PER2: variants seen among roughly 807,000 people sequenced by gnomAD.
PER2 encodes period circadian protein homolog 2.
PER2 carries 66 observed loss-of-function variants against 121.0 expected under a neutral mutation model. The ratio of observed to expected loss-of-function variants is 0.55; its 90% CI spans 0.45 to 0.67. PER2 has a LOEUF of 0.67. Among genes scored for constraint, PER2 ranks in the 30% least tolerant of loss-of-function variants. PER2 has a pLI of 0.00. For missense variants in PER2, 1,521 were observed against 1,635.0 expected (o/e 0.93, Z 1.20); for synonymous variants, 684 against 659.9 (o/e 1.04, Z -0.56).
At chr2:238,261,922 G>T in intron 11 of PER2, 85 bp from the exon 12 acceptor site, 2 of 939,326 alleles carry the variant, frequency 2.1e-6, no homozygotes, top group Non-Finnish European at 3.3e-6. Context: ...CATGCTGCCT[G>T]CCTGGGTGGG....
At position 238,251,618 on chromosome 2, in the gene PER2, G is replaced by A. The variant is rs138871884; in HGVS notation, c.3255C>T (p.Asp1085=). ...ESLGSGSLGC[D]ASPSGAGSSD... ...ACATACCTGCCCCACTCGGGGAGGCGTCGCAGCCCAGTGAGCCGGAGCCCA... is the reference window on the plus strand; with the variant it reads ...ACATACCTGCCCCACTCGGGGAGGCATCGCAGCCCAGTGAGCCGGAGCCCA... Residue 1085 remains aspartate, a synonymous_variant, in exon 20 of 23, where the codon GAC becomes GAT. Transcript: ENST00000254657. 17 of 1,614,036 alleles carry A rather than the reference G, an allele frequency of 1.1e-5. No homozygotes were observed. Among genetic ancestry groups the A allele is most frequent in the African/African-American group, 6.7e-5 (5 of 74,928 alleles).
At chr2:238,256,865 CTTG>C in intron 17 of PER2, 54 bp downstream of exon 17, 1 of 1,562,094 alleles carries the variant, frequency 6.4e-7, no homozygotes, top group Non-Finnish European at 8.8e-7. Context: ...TGGCAAACTT[CTTG>C]TTTTCATGGT....
rs1047017165 is a variant in PER2, at chr2:238,246,242, T to G, written c.*133A>C. 38 of 601,990 alleles carry G rather than the reference T, an allele frequency of 6.3e-5. No homozygotes were observed. The highest frequency in any genetic ancestry group is 7.5e-5 in the Non-Finnish European group (28 of 371,148). The allele number at this position is 601,990 out of a possible 1,614,324, so 37.3% of individuals were successfully genotyped here. On this transcript the variant is annotated 3_prime_UTR_variant, in exon 23 of 23. Coordinates refer to ENST00000254657, the MANE Select transcript of PER2 (RefSeq NM_022817.3). ...CGCCCCTTCAGAAAACTATGTTGTT[T>G]TTTTTTCTAAAACAAAAAAAGCAAC...
chr2:238,271,224 G>C (rs1292456886), intron 6 of PER2, 88 bp downstream of exon 6: 1 of 1,167,066 alleles, frequency 8.6e-7, no homozygotes, highest in African/African-American at 1.5e-5. Context: ...AGGTGAGGCA[G>C]GGCGCCTGCA....
At chr2:238,267,950 G>C in intron 8 of PER2, 106 bp downstream of exon 8, 1 of 1,297,166 alleles carries the variant, frequency 7.7e-7, no homozygotes, top group South Asian at 1.2e-5. Context: ...CAAGGCTGGG[G>C]AACTGCAGCG....
chr2:238,293,489 A>T (rs531702065), upstream of PER2, among the ~76,000 whole-genome samples: 1 of 152,120 alleles, frequency 6.6e-6, no homozygotes, highest in South Asian at 2.1e-4. Context: ...AAAACCAAGG[A>T]CTTGGGAGGC....
At position 238,277,996 on chromosome 2, in the gene PER2, C is replaced by T. The variant is rs115808333; in HGVS notation, c.-19-41G>A. On this transcript the variant is annotated intron_variant, in intron 1 of 22. Coordinates refer to ENST00000254657, the MANE Select transcript of PER2 (RefSeq NM_022817.3). ...ATGCTGTCACGCATTAACAAGCACACGCACAAGGGGCGCTGCAGCCATCAG... is the reference window on the plus strand; with the variant it reads ...ATGCTGTCACGCATTAACAAGCACATGCACAAGGGGCGCTGCAGCCATCAG... 3,389 of 1,589,226 alleles carry T rather than the reference C, an allele frequency of 2.1e-3. 54 individuals carry two copies. In the African/African-American group the frequency reaches 0.038, roughly 18 times the overall value.
In PER2 at chr2:238,253,484, G is replaced by T; in HGVS notation, c.2539C>A (p.Pro847Thr). ...SQSSCPAVPFPAPVPAAYSLP... is the reference protein window; with the variant it reads ...SQSSCPAVPFTAPVPAAYSLP... ...GAATAAGCTGCTGGCACTGGGGCGG[G>T]AAAGGGCACGGCTGGGCAGCTGGAC... Residue 847 changes from proline (P) to threonine (T), a missense_variant, in exon 19 of 23, where the codon CCC (proline) becomes ACC (threonine). Transcript: ENST00000254657. The surrounding 1 kb of genome is among the most constrained non-coding windows in gnomAD (Gnocchi z 5.6). 1.2e-6 allele frequency: 2 copies of T among 1,612,880 alleles called. No homozygotes were observed. The highest frequency in any genetic ancestry group is 1.7e-6 in the Non-Finnish European group (2 of 1,179,570).
Position 238,250,699 on chromosome 2 carries a change from C to A in PER2, c.3319G>T (p.Asp1107Tyr). The A allele has an allele frequency of 6.2e-7, 1 of 1,613,920 alleles. No homozygotes were observed. The highest frequency in any genetic ancestry group is 1.1e-5 in the South Asian group (1 of 91,058). Residue 1107 changes from aspartate to tyrosine, a missense_variant, in exon 21 of 23, where the codon GAC (aspartate) becomes TAC (tyrosine). Asp to Tyr is a radical substitution (Grantham distance 160). Coordinates refer to ENST00000254657, the MANE Select transcript of PER2 (RefSeq NM_022817.3). Reference sequence around the variant, plus strand: ...GCTTTGTGATTATTCTCTGAGGAGTCAATGCTTCCAAAATATTTGCTGGTA... The same window carrying A: ...GCTTTGTGATTATTCTCTGAGGAGTAAATGCTTCCAAAATATTTGCTGGTA... Reference protein sequence around the residue: ...SHTSKYFGSIDSSENNHKAKM... With the variant: ...SHTSKYFGSIYSSENNHKAKM...
intron 1 of PER2, among the ~76,000 whole-genome samples, chr2:238,280,540 G>A (rs773707453): frequency 9.9e-5 from 15 of 152,166 alleles, no homozygotes; most frequent in Admixed American, 2.0e-4. Context: ...TGAGGGATGA[G>A]ATAAGGCCAC....
At chr2:238,264,941 G>C (rs1390703683) in intron 9 of PER2, among the ~76,000 whole-genome samples, 1 of 152,198 alleles carries the variant, frequency 6.6e-6, no homozygotes, top group African/African-American at 2.4e-5. Flanking sequence ...CACCTAGCCG[G>C]CCCAAGTGTT....
intron 4 of PER2, among the ~76,000 whole-genome samples, chr2:238,273,951 C>T (rs931986229): frequency 6.6e-6 from 1 of 152,214 alleles, no homozygotes; most frequent in East Asian, 1.9e-4. Context: ...CAGGCGTGAG[C>T]CACCGCGCCC....
chr2:238,292,406 G>C (rs994860699), upstream of PER2, among the ~76,000 whole-genome samples: 23 of 152,190 alleles, frequency 1.5e-4, no homozygotes, highest in Admixed American at 6.5e-5. Flanking sequence ...GGGGAAAGGA[G>C]CTTGCTTGGA....
At chr2:238,295,736 G>A in the PER2 span, 1 of 158,634 alleles carries the variant, frequency 6.3e-6, no homozygotes, top group South Asian at 1.8e-4. Flanking sequence ...TCAACAGATG[G>A]AGTCCTGCGA....
At chr2:238,284,506 G>A (rs901755850) in intron 1 of PER2, among the ~76,000 whole-genome samples, 1 of 151,858 alleles carries the variant, frequency 6.6e-6, no homozygotes, top group Non-Finnish European at 1.5e-5. Context: ...ACGTAATTTT[G>A]GAAGAGAGAG....
At chr2:238,283,185 C>A (rs1696681773) in intron 1 of PER2, among the ~76,000 whole-genome samples, 1 of 152,238 alleles carries the variant, frequency 6.6e-6, no homozygotes, top group Non-Finnish European at 1.5e-5. Context: ...CCCTCTCTCC[C>A]TCAAATGGAC....
At chr2:238,289,073 C>G (rs1008705708), upstream of PER2, 1 of 152,242 alleles carries the variant, frequency 6.6e-6, no homozygotes, top group Admixed American at 6.5e-5. Context: ...GCCCTCAAGC[C>G]CGCCAGCTCG....
At chr2:238,298,198 C>T in the PER2 span, among the ~76,000 whole-genome samples, 3 of 152,066 alleles carry the variant, frequency 2.0e-5, no homozygotes, top group Non-Finnish European at 4.4e-5. Context: ...CCACGCCCGG[C>T]TAATTTTTTG....
intron 19 of PER2, among the ~76,000 whole-genome samples, chr2:238,251,996 G>A (rs1695618143): frequency 6.6e-6 from 1 of 152,178 alleles, no homozygotes; most frequent in South Asian, 2.1e-4. Flanking sequence ...AATTTTCGGA[G>A]AGTCACATGG....
Sources: allele counts gnomAD v4.1 joint callset (sites outside exome capture counted in the v4.1 genomes callset), GRCh38; gene constraint gnomAD v4.1.1; non-coding constraint Gnocchi (gnomAD v3.1); transcripts MANE v1.5; gene names NCBI Gene and HGNC (gene_info 2026-07-23, HGNC 2026-07-21).